The following GABRB2 variants were observed in gnomAD, a reference collection of about 807,000 sequenced individuals.
GABRB2 encodes the protein gamma-aminobutyric acid type A receptor subunit beta2.
Under a neutral mutation model 54.7 loss-of-function variants are expected in GABRB2, and 16 were observed. The observed-to-expected ratio is 0.29, with a 90% CI of 0.20 to 0.44. The LOEUF (loss-of-function observed/expected upper bound fraction) is 0.44. Among genes scored for constraint, GABRB2 ranks in the 20% least tolerant of loss-of-function variants. GABRB2 has a pLI of 1.00. For missense variants in GABRB2, 355 were observed against 644.0 expected (o/e 0.55, Z 4.86); for synonymous variants, 244 against 233.8 (o/e 1.04, Z -0.40).
chr5:161,425,067 T>G (rs1220584144), intron 4 of GABRB2, among the ~76,000 whole-genome samples: 1 of 152,128 alleles, frequency 6.6e-6, no homozygotes, highest in South Asian at 2.1e-4. Context: ...GATGAAACTT[T>G]AAGGATTGAG....
chr5:161,501,966 T>C (rs1759458689), intron 3 of GABRB2, among the ~76,000 whole-genome samples: 1 of 148,582 alleles, frequency 6.7e-6, no homozygotes. Flanking sequence ...AAATATAATA[T>C]AAATTACTTT....
At chr5:161,452,176 A>T (rs1757808175) in intron 4 of GABRB2, among the ~76,000 whole-genome samples, 1 of 152,240 alleles carries the variant, frequency 6.6e-6, no homozygotes, top group East Asian at 1.9e-4. Context: ...GATATTTTTG[A>T]TTTCTTAATA....
intron 3 of GABRB2, among the ~76,000 whole-genome samples, chr5:161,535,563 A>G (rs1760606710): frequency 6.6e-6 from 1 of 152,196 alleles, no homozygotes; most frequent in Non-Finnish European, 1.5e-5. Context: ...TAAGATTGAG[A>G]GATGTGAAGG....
At chr5:161,327,079 C>T in intron 8 of GABRB2, 1 of 521,456 alleles carries the variant, frequency 1.9e-6, no homozygotes, top group Non-Finnish European at 2.4e-6. Context: ...CACACACAAA[C>T]TAGAAGAATG....
At chr5:161,385,948 GTGTGTGTGTGTGTGTGTGTGT>G (rs1755616604) in intron 5 of GABRB2, among the ~76,000 whole-genome samples, 5 of 108,280 alleles carry the variant, frequency 4.6e-5, no homozygotes, top group Non-Finnish European at 9.9e-5. Context: ...CTATTGTCTG[GTGTGTGTGTGTGTGTGTGTGT>G]GTGTGTGTGT....
At chr5:161,319,528 G>C (rs1758146495) in intron 9 of GABRB2, among the ~76,000 whole-genome samples, 2 of 150,762 alleles carry the variant, frequency 1.3e-5, no homozygotes, top group South Asian at 4.2e-4. Context: ...GAGGTAGTTT[G>C]CTTTCTGTAT....
intron 3 of GABRB2, among the ~76,000 whole-genome samples, chr5:161,502,949 G>A (rs747596427): frequency 3.9e-5 from 6 of 152,184 alleles, no homozygotes; most frequent in Non-Finnish European, 7.3e-5. Context: ...AATTTCTGGA[G>A]ATGTGTGAGC....
At chr5:161,391,701 C>T (rs1032087804) in intron 5 of GABRB2, among the ~76,000 whole-genome samples, 1 of 152,128 alleles carries the variant, frequency 6.6e-6, no homozygotes, top group Non-Finnish European at 1.5e-5. Context: ...TGTAAGTAAA[C>T]ATGTTTCATT....
intron 9 of GABRB2, among the ~76,000 whole-genome samples, chr5:161,319,428 A>G (rs1758143457): frequency 6.8e-6 from 1 of 147,840 alleles, no homozygotes; most frequent in East Asian, 1.9e-4. Flanking sequence ...TTATATATTT[A>G]TTTTATATAT....
In GABRB2 at chr5:161,294,050, C is replaced by T; in HGVS notation, c.*31G>A. The T allele has an allele frequency of 1.3e-6, 2 of 1,534,184 alleles. No individual in the cohort carries two copies. The highest frequency in any genetic ancestry group is 1.8e-6 in the Non-Finnish European group (2 of 1,114,304). On this transcript the variant is annotated 3_prime_UTR_variant, in exon 10 of 10. Coordinates refer to ENST00000393959, the MANE Select transcript of GABRB2 (RefSeq NM_001371727.1). The stretch of plus-strand genomic sequence containing the variant: ...CTGTACAACTGGTTTGAGGAGGAAT[C>T]TAGTCCTTGCTTCCAGTGGGAGGCC...
At chr5:161,314,265 G>A (rs145190656) in intron 9 of GABRB2, among the ~76,000 whole-genome samples, 1 of 152,366 alleles carries the variant, frequency 6.6e-6, no homozygotes, top group African/African-American at 2.4e-5. Flanking sequence ...TCTTTAGGGA[G>A]CCACAGTAGG....
intron 3 of GABRB2, among the ~76,000 whole-genome samples, chr5:161,507,403 A>T (rs1759638249): frequency 6.6e-6 from 1 of 152,080 alleles, no homozygotes; most frequent in African/African-American, 2.4e-5. Flanking sequence ...CATCAGAGGA[A>T]GCTAAGTGAA....
chr5:161,362,515 C>A (rs1369588397), intron 5 of GABRB2, among the ~76,000 whole-genome samples: 1 of 151,990 alleles, frequency 6.6e-6, no homozygotes, highest in African/African-American at 2.4e-5. Flanking sequence ...CAACAAAAGC[C>A]AAAATTGGCA....
chr5:161,460,258 TTA>T (rs148478159), intron 3 of GABRB2, among the ~76,000 whole-genome samples: 13 of 148,794 alleles, frequency 8.7e-5, no homozygotes, highest in East Asian at 2.0e-4. Flanking sequence ...GAAAACAAAT[TTA>T]TATATATATG....
At chr5:161,409,246 T>A (rs969905135) in intron 5 of GABRB2, among the ~76,000 whole-genome samples, 1 of 152,086 alleles carries the variant, frequency 6.6e-6, no homozygotes, top group Non-Finnish European at 1.5e-5. Flanking sequence ...CTTGAACAAA[T>A]CACCTTACCT....
At chr5:161,497,331 AG>A (rs1333214873) in intron 3 of GABRB2, among the ~76,000 whole-genome samples, 1 of 152,134 alleles carries the variant, frequency 6.6e-6, no homozygotes, top group African/African-American at 2.4e-5. Context: ...TGAAGGACAC[AG>A]CCCCAGGTGT....
chr5:161,539,396 C>T (rs1760743863), intron 3 of GABRB2, among the ~76,000 whole-genome samples: 1 of 152,200 alleles, frequency 6.6e-6, no homozygotes, highest in African/African-American at 2.4e-5. Flanking sequence ...CAGTAGCTTC[C>T]TCAGTAAGGA....
chr5:161,441,918 A>T (rs1188333998), intron 4 of GABRB2, among the ~76,000 whole-genome samples: 1 of 152,158 alleles, frequency 6.6e-6, no homozygotes, highest in African/African-American at 2.4e-5. Flanking sequence ...GAACTCATAG[A>T]CATAGAGTGA....
chr5:161,543,923 G>A (rs930250925), intron 3 of GABRB2, among the ~76,000 whole-genome samples: 11 of 152,180 alleles, frequency 7.2e-5, no homozygotes, highest in African/African-American at 2.4e-4. Flanking sequence ...ATTAGAATAT[G>A]AGAAGATTAA....
Sources: gnomAD v4.1 joint callset for allele counts (sites outside exome capture counted in the v4.1 genomes callset) on GRCh38, gnomAD v4.1.1 for gene constraint, MANE v1.5 for transcripts, NCBI Gene and HGNC (gene_info 2026-07-23, HGNC 2026-07-21) for gene names.